The following MIPOL1 variants were observed in gnomAD, a reference collection of about 807,000 sequenced individuals.
MIPOL1 encodes mirror-image polydactyly gene 1 protein.
Under a neutral mutation model 60.9 loss-of-function variants are expected in MIPOL1, and 57 were observed. The ratio of observed to expected loss-of-function variants is 0.94; its 90% confidence interval spans 0.76 to 1.17. The LOEUF is 1.17. MIPOL1 is among the 50% of genes most tolerant of loss of function. The pLI, the probability that MIPOL1 is intolerant of heterozygous loss-of-function variation, is 0.00. For synonymous variants in MIPOL1, 179 were observed against 168.8 expected, an observed-to-expected ratio of 1.06 and a Z score of -0.47; for missense variants, 551 against 511.6, an observed-to-expected ratio of 1.08 and a Z score of -0.74.
intron 7 of MIPOL1, among the ~76,000 whole-genome samples, chr14:37,303,146 C>T (rs569768451): frequency 6.6e-6 from 1 of 151,922 alleles, no homozygotes; most frequent in East Asian, 1.9e-4. Context: ...GACAACAAAT[C>T]AATTTTTCAT....
intron 7 of MIPOL1, among the ~76,000 whole-genome samples, chr14:37,303,908 T>A (rs1042733576): frequency 2.6e-5 from 4 of 151,678 alleles, no homozygotes; most frequent in African/African-American, 9.7e-5. Flanking sequence ...GGAGTTCAGG[T>A]AGGGGGAAGA....
intron 9 of MIPOL1, among the ~76,000 whole-genome samples, chr14:37,340,679 CAG>C (rs1258253315): frequency 1.4e-5 from 2 of 148,124 alleles, no homozygotes; most frequent in Non-Finnish European, 3.0e-5. Flanking sequence ...GCCTTGGTGA[CAG>C]AGACCCTGTC....
At chr14:37,358,927 G>A (rs1161580602) in intron 9 of MIPOL1, among the ~76,000 whole-genome samples, 2 of 152,088 alleles carry the variant, frequency 1.3e-5, no homozygotes, top group Non-Finnish European at 2.9e-5. Context: ...GTCTGGAATG[G>A]TATTGCCTAG....
intron 10 of MIPOL1, among the ~76,000 whole-genome samples, chr14:37,418,226 A>C (rs1287488491): frequency 1.3e-5 from 2 of 152,208 alleles, no homozygotes; most frequent in Non-Finnish European, 2.9e-5. Context: ...AGGAGAGATA[A>C]AAGTGGTTTA....
At chr14:37,419,797 A>G (rs749093296) in intron 10 of MIPOL1, among the ~76,000 whole-genome samples, 1 of 151,484 alleles carries the variant, frequency 6.6e-6, no homozygotes, top group Non-Finnish European at 1.5e-5. Flanking sequence ...CTGGAGTGCA[A>G]TGGTGTGATC....
intron 1 of MIPOL1, among the ~76,000 whole-genome samples, chr14:37,206,664 G>T (rs1462733815): frequency 1.3e-5 from 2 of 152,200 alleles, no homozygotes; most frequent in Non-Finnish European, 2.9e-5. Flanking sequence ...GAAAGCAGCT[G>T]GGAGGGAGGC....
At chr14:37,305,857 C>T (rs892443108) in intron 7 of MIPOL1, among the ~76,000 whole-genome samples, 4 of 151,766 alleles carry the variant, frequency 2.6e-5, no homozygotes, top group Non-Finnish European at 5.9e-5. Context: ...GATCCAAATG[C>T]TAAGTGGCTG....
intron 7 of MIPOL1, among the ~76,000 whole-genome samples, chr14:37,287,945 T>C (rs2084715645): frequency 6.6e-6 from 1 of 151,906 alleles, no homozygotes; most frequent in African/African-American, 2.4e-5. Context: ...TTCTCGTAAA[T>C]TGTTTCAATT....
At chr14:37,373,537 G>A (rs1333490590) in intron 10 of MIPOL1, among the ~76,000 whole-genome samples, 3 of 151,160 alleles carry the variant, frequency 2.0e-5, no homozygotes, top group Admixed American at 2.0e-4. Context: ...TCCTCCCCTA[G>A]CGCCCCAACC....
chr14:37,323,625 A>T (rs1332854606), intron 9 of MIPOL1, among the ~76,000 whole-genome samples: 2 of 152,056 alleles, frequency 1.3e-5, no homozygotes, highest in African/African-American at 4.8e-5. Context: ...TAAAATTTAC[A>T]TGCACAAATG....
Position 37,508,703 on chromosome 14 carries a change from G to A in MIPOL1, c.1262+8565G>A, listed in dbSNP as rs968596320. 4.6e-5 allele frequency among the ~76,000 whole-genome samples: 7 copies of A among 152,210 alleles called. No individual in the cohort carries two copies. In the South Asian group the frequency reaches 1.0e-3, roughly 23 times the overall value. On this transcript the variant is annotated intron_variant, in intron 12 of 12. Coordinates refer to ENST00000684589, the MANE Select transcript of MIPOL1 (RefSeq NM_001388067.1). Reference sequence around the variant, plus strand: ...ATGCTTTTAGAAGAATATGTGTTACGTAATTCCTCCTTCTCTTGGCATTTC... The same window carrying A: ...ATGCTTTTAGAAGAATATGTGTTACATAATTCCTCCTTCTCTTGGCATTTC...
chr14:37,509,000 G>C (rs553683235), intron 12 of MIPOL1, among the ~76,000 whole-genome samples: 56 of 151,954 alleles, frequency 3.7e-4, no homozygotes, highest in Non-Finnish European at 5.9e-4. Flanking sequence ...TTCCCTGACT[G>C]TTCCTACTCC....
intron 9 of MIPOL1, among the ~76,000 whole-genome samples, chr14:37,327,450 G>T (rs2153451379): frequency 6.6e-6 from 1 of 152,194 alleles, no homozygotes; most frequent in South Asian, 2.1e-4. Context: ...ACCACACCCG[G>T]CTACTTTTTG....
At chr14:37,296,932 G>A (rs1488556371) in intron 7 of MIPOL1, among the ~76,000 whole-genome samples, 1 of 152,100 alleles carries the variant, frequency 6.6e-6, no homozygotes, top group African/African-American at 2.4e-5. Context: ...AGAAAAAGAG[G>A]GAATCCTCCC....
chr14:37,302,969 C>T lies in MIPOL1; in HGVS notation c.624-5087C>T, dbSNP rs144399629. Among the ~76,000 whole-genome samples the T allele has an allele frequency of 2.8e-3, 420 of 151,628 alleles. 1 individual carries two copies. The highest frequency in any genetic ancestry group is 6.8e-3 in the Middle Eastern group (2 of 294). On this transcript the variant is annotated intron_variant, in intron 7 of 12. Transcript: ENST00000684589. ...TTTAGAACTCTTCTTTGGAGATTTGCGGGTACTATAATGTTCAATTTATCA... is the reference window on the plus strand; with the variant it reads ...TTTAGAACTCTTCTTTGGAGATTTGTGGGTACTATAATGTTCAATTTATCA...
In MIPOL1 at chr14:37,494,707, GA is replaced by G. The variant is rs1034170977; in HGVS notation, c.1032-5200del. Among the ~76,000 whole-genome samples, 35 of 152,270 alleles carry G rather than the reference GA, an allele frequency of 2.3e-4. 1 individual carries two copies. The highest frequency in any genetic ancestry group is 8.2e-4 in the African/African-American group (34 of 41,542). On this transcript the variant is annotated intron_variant, in intron 11 of 12. Transcript: ENST00000684589. Reference sequence around the variant, plus strand: ...TCAGTAAAAAAAGGAATATTAATAAGACTTCTCATGCAAGTTGTGACATTTA... The same window carrying G: ...TCAGTAAAAAAAGGAATATTAATAAGCTTCTCATGCAAGTTGTGACATTTA...
In MIPOL1 at chr14:37,224,530, C is replaced by T. The variant is rs187198644; in HGVS notation, c.-198-22573C>T. On this transcript the variant is annotated intron_variant, in intron 1 of 12. Coordinates refer to ENST00000684589, the MANE Select transcript of MIPOL1 (RefSeq NM_001388067.1). Reference sequence around the variant, plus strand: ...GTGAGAGCCAAGTGAAAGGGATTTCCCCTTATAGAACCATCAGATCTTGTG... The same window carrying T: ...GTGAGAGCCAAGTGAAAGGGATTTCTCCTTATAGAACCATCAGATCTTGTG... Among the ~76,000 whole-genome samples, 13 of 152,214 alleles carry T rather than the reference C, an allele frequency of 8.5e-5. No individual in the cohort carries two copies. In the East Asian group the frequency reaches 2.3e-3, roughly 27 times the overall value.
Position 37,302,909 on chromosome 14 carries a change from T to C in MIPOL1, c.624-5147T>C, listed in dbSNP as rs551913998. On this transcript the variant is annotated intron_variant, in intron 7 of 12. Coordinates refer to ENST00000684589, the MANE Select transcript of MIPOL1 (RefSeq NM_001388067.1). ...ATTGTTTTGGCTATTCTAGATAACC[T>C]TTTTACAAAATTTCAGTAATATAGT... is the stretch of plus-strand genomic sequence containing the variant. 1.0e-3 allele frequency among the ~76,000 whole-genome samples: 153 copies of C among 152,000 alleles called. 3 individuals are homozygous for C. Among genetic ancestry groups the C allele is most frequent in the Non-Finnish European group, 1.2e-3 (80 of 67,848 alleles).
At chr14:37,257,095 T>TTGTGTGTGTGTGTGTG (rs61079220) in intron 3 of MIPOL1, among the ~76,000 whole-genome samples, 1,659 of 137,696 alleles carry the variant, frequency 0.012, 15 homozygotes, top group Non-Finnish European at 0.017. Flanking sequence ...TGGTTTTGTT[T>TTGTGTGTGTGTGTGTG]TGTGTGTGTG....
Sources: gnomAD v4.1 joint callset for allele counts (sites outside exome capture counted in the v4.1 genomes callset) on GRCh38, gnomAD v4.1.1 for gene constraint, MANE v1.5 for transcripts, NCBI Gene and HGNC (gene_info 2026-07-23, HGNC 2026-07-21) for gene names.